Variants in CAMK2B observed in about 807,000 individuals in gnomAD.
The protein encoded by CAMK2B is calcium/calmodulin dependent protein kinase II beta, also known as calcium/calmodulin-dependent protein kinase type II subunit beta.
In CAMK2B, 27 loss-of-function variants were observed where a neutral mutation model predicts 93.7. The observed-to-expected ratio is 0.29, with a 90% CI of 0.21 to 0.40. CAMK2B has a LOEUF of 0.40. Ranked by LOEUF, CAMK2B falls within the 10% of genes least tolerant of loss-of-function variation. CAMK2B has a pLI of 1.00. For missense variants in CAMK2B, 568 were observed against 895.8 expected (o/e 0.63, Z 4.67); for synonymous variants, 374 against 358.8 (o/e 1.04, Z -0.48).
At chr7:44,251,391 C>A (rs879811740) in intron 5 of CAMK2B, among the ~76,000 whole-genome samples, 8 of 152,204 alleles carry the variant, frequency 5.3e-5, no homozygotes, top group Admixed American at 4.6e-4. Context: ...CTGAAGCTCA[C>A]GCACAGAGAG....
chr7:44,229,005 G>A (rs2096550819), intron 18 of CAMK2B, 81 bp from the exon 19 acceptor site: 7 of 1,374,800 alleles, frequency 5.1e-6, no homozygotes, highest in Non-Finnish European at 7.2e-6. Flanking sequence ...CCAGTGGGAG[G>A]GGTCCCGTGT....
intron 11 of CAMK2B, 91 bp downstream of exon 11, chr7:44,241,609 G>T: frequency 1.0e-6 from 1 of 953,362 alleles, no homozygotes; most frequent in South Asian, 1.4e-5. Flanking sequence ...TAACCCCTAG[G>T]TCTGCCCAGA....
At position 44,226,622 on chromosome 7, in the gene CAMK2B, C is replaced by G. The variant is rs1292917746; in HGVS notation, c.1491G>C (p.Leu497=). The G allele has an allele frequency of 6.5e-7, 1 of 1,533,392 alleles. No individual in the cohort carries two copies. Among genetic ancestry groups the G allele is most frequent in the African/African-American group, 1.4e-5 (1 of 69,060 alleles). 95.0% of individuals were successfully genotyped at this position (1,533,392 alleles called of 1,614,324 possible). A position where few individuals can be genotyped will look rare whatever the true frequency, so the allele number is the denominator to read the frequency against. ...SSPSPRISDI[L]NSVRRGSGTP... ...TCCCTGAGCCCCTCCTCACAGAGTT[C>G]AGGATGTCAGAGATCCTGGGGGCTG... Residue 497 remains leucine (L), a synonymous_variant, in exon 20 of 24, where the codon CTG becomes CTC. Transcript: ENST00000395749.
At chr7:44,265,215 C>G (rs990592344) in intron 2 of CAMK2B, among the ~76,000 whole-genome samples, 1 of 152,248 alleles carries the variant, frequency 6.6e-6, no homozygotes, top group Non-Finnish European at 1.5e-5. Flanking sequence ...TCTTCTGACG[C>G]GTGTGTAACA....
In CAMK2B at chr7:44,226,408, C is replaced by T. The variant is rs993237135; in HGVS notation, c.1597+108G>A. ...GGGACCCAGCAGAGGGATCCTGTGCCCCGCCCTCCTCCGCAAGAATGGCCC... is the reference window on the plus strand; with the variant it reads ...GGGACCCAGCAGAGGGATCCTGTGCTCCGCCCTCCTCCGCAAGAATGGCCC... On this transcript the variant is annotated intron_variant, in intron 20 of 23. Coordinates refer to ENST00000395749, the MANE Select transcript of CAMK2B (RefSeq NM_001220.5). 13 of 922,256 alleles carry T rather than the reference C, an allele frequency of 1.4e-5. No individual in the cohort carries two copies. The African/African-American group carries it at 1.6e-4, about 11-fold the overall frequency. The allele number at this position is 922,256 out of a possible 1,614,324, so 57.1% of individuals were successfully genotyped here.
intron 1 of CAMK2B, among the ~76,000 whole-genome samples, chr7:44,310,079 G>A (rs192869970): frequency 6.6e-6 from 1 of 152,376 alleles, no homozygotes; most frequent in East Asian, 1.9e-4. Context: ...CCGGGCGGGG[G>A]CGGGGGCGCT....
chr7:44,270,603 G>T (rs2096965793), intron 2 of CAMK2B, among the ~76,000 whole-genome samples: 1 of 152,252 alleles, frequency 6.6e-6, no homozygotes, highest in African/African-American at 2.4e-5. Context: ...CCTGGGCCAG[G>T]AAACTGGCTG....
chr7:44,241,629 G>T, intron 11 of CAMK2B, 71 bp downstream of exon 11: 4 of 1,241,216 alleles, frequency 3.2e-6, no homozygotes, highest in Non-Finnish European at 3.5e-6. Flanking sequence ...ACCCCCCAAG[G>T]CCCCCCTGCT....
chr7:44,234,544 G>T, intron 14 of CAMK2B, 83 bp from the exon 15 acceptor site: 2 of 1,591,578 alleles, frequency 1.3e-6, no homozygotes, highest in Non-Finnish European at 1.7e-6. Flanking sequence ...CAGGGCATGG[G>T]GGGAGGGGGA....
In CAMK2B at chr7:44,248,087, T is replaced by C. The variant is rs1175818532; in HGVS notation, c.342-895A>G. 6.6e-6 allele frequency among the ~76,000 whole-genome samples: 1 copy of C among 152,098 alleles called. No homozygotes were observed. The highest frequency in any genetic ancestry group is 1.5e-5 in the Non-Finnish European group (1 of 67,994). ...GCCACATTGGCTGGTGGCTGCCGTG[T>C]TGGGTGGCTCAGTTCCAGCAGCACT... On this transcript the variant is annotated intron_variant, in intron 5 of 23. Transcript: ENST00000395749. The surrounding 1 kb of genome is among the most constrained non-coding windows in gnomAD (Gnocchi z 4.1).
intron 3 of CAMK2B, 128 bp downstream of exon 3, chr7:44,262,877 G>T: frequency 1.3e-6 from 1 of 785,290 alleles, no homozygotes; most frequent in Non-Finnish European, 2.0e-6. Context: ...CTTCTGGTGG[G>T]ATATTTCAAC....
chr7:44,272,027 G>A (rs1235713181), intron 2 of CAMK2B, among the ~76,000 whole-genome samples: 2 of 152,350 alleles, frequency 1.3e-5, no homozygotes, highest in Admixed American at 1.3e-4. Context: ...CTGGGTAGAA[G>A]TGGAGCTGGA....
At chr7:44,297,905 C>G (rs1191158430) in intron 1 of CAMK2B, among the ~76,000 whole-genome samples, 7 of 152,216 alleles carry the variant, frequency 4.6e-5, no homozygotes, top group African/African-American at 7.2e-5. Context: ...GGGTGGGTCA[C>G]TTGAGGTCAG....
chr7:44,221,460 G>GAGGCC (rs1272285223), intron 20 of CAMK2B, among the ~76,000 whole-genome samples: 1 of 149,870 alleles, frequency 6.7e-6, no homozygotes, highest in Non-Finnish European at 1.5e-5. Context: ...AGGCCACCCG[G>GAGGCC]AGGCCGGGGA....
intron 2 of CAMK2B, 112 bp downstream of exon 2, chr7:44,284,019 C>G (rs1431631542): frequency 1.1e-5 from 8 of 733,174 alleles, no homozygotes; most frequent in Middle Eastern, 3.6e-4. Context: ...GCAGGGTGGG[C>G]CAAGTGCTGG....
intron 12 of CAMK2B, among the ~76,000 whole-genome samples, chr7:44,240,044 G>A (rs1342212612): frequency 1.3e-5 from 2 of 152,186 alleles, no homozygotes; most frequent in African/African-American, 2.4e-5. Flanking sequence ...AACGGACAAC[G>A]AGAGAGACGG....
At chr7:44,314,254 G>A (rs975101794) in intron 1 of CAMK2B, among the ~76,000 whole-genome samples, 3 of 152,120 alleles carry the variant, frequency 2.0e-5, no homozygotes, top group Non-Finnish European at 4.4e-5. Flanking sequence ...CATCACTTCA[G>A]AACCAAACTT....
At chr7:44,321,381 T>C (rs1023823511) in intron 1 of CAMK2B, among the ~76,000 whole-genome samples, 2 of 152,150 alleles carry the variant, frequency 1.3e-5, no homozygotes, top group East Asian at 1.9e-4. Flanking sequence ...GTCAAGGACA[T>C]ATCAAGGTCA....
intron 17 of CAMK2B, 23 bp from the exon 18 acceptor site, chr7:44,229,524 G>A (rs1379772149): frequency 7.9e-7 from 1 of 1,269,680 alleles, no homozygotes; most frequent in Non-Finnish European, 1.0e-6. Context: ...AGGTGAGGCA[G>A]GCAGGTGGGT....
Sources: allele counts gnomAD v4.1 joint callset (sites outside exome capture counted in the v4.1 genomes callset), GRCh38; gene constraint gnomAD v4.1.1; non-coding constraint Gnocchi (gnomAD v3.1); transcripts MANE v1.5; gene names NCBI Gene and HGNC (gene_info 2026-07-23, HGNC 2026-07-21).